The following PITPNM1 variants were observed in gnomAD, a reference collection of about 807,000 sequenced individuals.
PITPNM1 encodes the protein phosphatidylinositol transfer protein membrane associated 1, also known as membrane-associated phosphatidylinositol transfer protein 1.
Under a neutral mutation model 133.3 loss-of-function variants are expected in PITPNM1, and 74 were observed. That is an observed-to-expected ratio of 0.56 (90% CI 0.46 to 0.67). PITPNM1 has a LOEUF of 0.67. Ranked by LOEUF, PITPNM1 falls within the 30% of genes least tolerant of loss-of-function variation. PITPNM1 has a pLI of 0.00. For synonymous variants in PITPNM1, 738 were observed against 741.4 expected, an observed-to-expected ratio of 1.00 and a Z score of 0.08; for missense variants, 1,398 against 1,739.5, an observed-to-expected ratio of 0.80 and a Z score of 3.49.
intron 6 of PITPNM1, 39 bp from the exon 7 acceptor site, chr11:67,500,048 C>T (rs762547716): frequency 1.2e-6 from 2 of 1,605,802 alleles, no homozygotes; most frequent in Admixed American, 1.7e-5. Context: ...GCCCAGGAGC[C>T]CAGCCTGGGG....
chr11:67,496,188 G>GGATGA lies in PITPNM1; in HGVS notation c.2302_2306dup (p.Leu770HisfsTer111), dbSNP rs1866114761. 6.5e-7 allele frequency: 1 copy of GGATGA among 1,536,518 alleles called. No individual in the cohort carries two copies. Among genetic ancestry groups the GGATGA allele is most frequent in the Non-Finnish European group, 8.7e-7 (1 of 1,147,210 alleles). ...TGTTTGGGGGCGTACCCAGCAGCAGGGATGAGCCATCTCCCAGGGGGAACT... is the reference window on the plus strand; with the variant it reads ...TGTTTGGGGGCGTACCCAGCAGCAGGGATGAGATGAGCCATCTCCCAGGGGGAACT... On this transcript the variant is annotated frameshift_variant, in exon 15 of 24. Coordinates refer to ENST00000356404, the MANE Select transcript of PITPNM1 (RefSeq NM_004910.3). LOFTEE classifies it high-confidence loss of function.
At position 67,498,486 on chromosome 11, in the gene PITPNM1, C is replaced by T. The variant is rs535664043; in HGVS notation, c.1484+110G>A. 6.7e-6 allele frequency: 10 copies of T among 1,493,672 alleles called. No homozygotes were observed. In the East Asian group the frequency reaches 1.6e-4, roughly 24 times the overall value. 92.5% of individuals were successfully genotyped at this position (1,493,672 alleles called of 1,614,324 possible). ...AGCCATTCTCCAGAACAGGTCCAGCCATGCCAGTGACCGACCCAGGTGTCT... is the reference window on the plus strand; with the variant it reads ...AGCCATTCTCCAGAACAGGTCCAGCTATGCCAGTGACCGACCCAGGTGTCT... On this transcript the variant is annotated intron_variant, in intron 10 of 23. Coordinates refer to ENST00000356404, the MANE Select transcript of PITPNM1 (RefSeq NM_004910.3). The surrounding 1 kb of genome is among the most constrained non-coding windows in gnomAD (Gnocchi z 5.7).
chr11:67,499,115 C>G (rs983022846), intron 8 of PITPNM1, 114 bp from the exon 9 acceptor site: 1 of 1,009,040 alleles, frequency 9.9e-7, no homozygotes, highest in Non-Finnish European at 1.4e-6. Context: ...TCCCTACCTT[C>G]CTCCAAACTT....
Position 67,497,901 on chromosome 11 carries a change from G to C in PITPNM1, c.1782+16C>G. 1 of 1,607,672 alleles carries C rather than the reference G, an allele frequency of 6.2e-7. No homozygotes were observed. Among genetic ancestry groups the C allele is most frequent in the East Asian group, 2.2e-5 (1 of 44,874 alleles). On this transcript the variant is annotated intron_variant, in intron 12 of 23. Transcript: ENST00000356404. ...GCCTTTCCGCTCCTGAGGAGGCCGG[G>C]TTTGGCTATACTGACCATGCTCCCA...
chr11:67,505,371 C>G (rs1404758435), upstream of PITPNM1: 3 of 152,170 alleles, frequency 2.0e-5, no homozygotes, highest in Non-Finnish European at 4.4e-5. This position sits in a 1 kb window ranked among gnomAD's most constrained non-coding sequence, Gnocchi z 5.8. Flanking sequence ...CCTGCAGTCC[C>G]TCCCCGACGC....
Position 67,502,314 on chromosome 11 carries a change from G to T in PITPNM1, c.393C>A (p.Ala131=). Residue 131 remains alanine (A), a synonymous_variant, in exon 4 of 24, where the codon GCC becomes GCA. Coordinates refer to ENST00000356404, the MANE Select transcript of PITPNM1 (RefSeq NM_004910.3). This position sits in a 1 kb window ranked among gnomAD's most constrained non-coding sequence, Gnocchi z 5.9. ...QQPNVFNLSG[A]ERRQRILDTI... Reference sequence around the variant, plus strand: ...CACCCAGGATGCGCTGTCTCCTCTCGGCCCCGCTCAGGTTGAAGACGTTTG... The same window carrying T: ...CACCCAGGATGCGCTGTCTCCTCTCTGCCCCGCTCAGGTTGAAGACGTTTG... The T allele has an allele frequency of 6.2e-7, 1 of 1,613,366 alleles. No individual in the cohort carries two copies. Among genetic ancestry groups the T allele is most frequent in the Non-Finnish European group, 8.5e-7 (1 of 1,180,004 alleles).
intron 12 of PITPNM1, 22 bp from the exon 13 acceptor site, chr11:67,497,701 A>G (rs1270880504): frequency 1.2e-6 from 2 of 1,607,222 alleles, no homozygotes; most frequent in Non-Finnish European, 1.7e-6. Flanking sequence ...AGGAGACAGA[A>G]ACATTCTTAG....
chr11:67,494,873 C>T lies in PITPNM1; in HGVS notation c.2715G>A (p.Gln905=), dbSNP rs1866062590. Residue 905 remains glutamine, a synonymous_variant, in exon 18 of 24, where the codon CAG becomes CAA. Transcript: ENST00000356404. ...YSPAFPREKW[Q]RKRTQVKIRN... is the part of the protein sequence containing the mutation. ...GGATCTTGACCTGCGTGCGTTTTCG[C>T]TGCCACTTCTCCCTGGGGAAGGCCG... is the stretch of plus-strand genomic sequence containing the variant. 6.2e-7 allele frequency: 1 copy of T among 1,612,780 alleles called. No individual in the cohort carries two copies. The highest frequency in any genetic ancestry group is 1.3e-5 in the African/African-American group (1 of 74,868).
Position 67,495,104 on chromosome 11 carries a change from G to A in PITPNM1, c.2604C>T (p.Ala868=). The A allele has an allele frequency of 6.2e-7, 1 of 1,612,816 alleles. No homozygotes were observed. Among genetic ancestry groups the A allele is most frequent in the South Asian group, 1.1e-5 (1 of 91,082 alleles). The change falls in exon 17 of 24, where the codon GCC becomes GCT. Residue 868 remains alanine (A), a synonymous_variant. Coordinates refer to ENST00000356404, the MANE Select transcript of PITPNM1 (RefSeq NM_004910.3). ...GGCGCAGGATGAACGCCACCACGTC[G>A]GCGGACTCCCAGTAGCTGGCGTGGA... ...HLFHASYWES[A]DVVAFILRQV... is the part of the protein sequence containing the mutation.
rs550399607 is a variant in PITPNM1, at chr11:67,491,857, G to A, written c.*176C>T. 2.6e-4 allele frequency: 177 copies of A among 681,030 alleles called. No individual in the cohort carries two copies. The highest frequency in any genetic ancestry group is 4.2e-4 in the Middle Eastern group (1 of 2,362). 42.2% of individuals were successfully genotyped at this position (681,030 alleles called of 1,614,324 possible). On this transcript the variant is annotated 3_prime_UTR_variant, in exon 24 of 24. Coordinates refer to ENST00000356404, the MANE Select transcript of PITPNM1 (RefSeq NM_004910.3). Reference sequence around the variant, plus strand: ...CCACGCCCTCCTCCCTCCCCCCGGCGCTGGGTCCCCTCATATGAAAGGGAA... The same window carrying A: ...CCACGCCCTCCTCCCTCCCCCCGGCACTGGGTCCCCTCATATGAAAGGGAA...
intron 5 of PITPNM1, 35 bp downstream of exon 5, chr11:67,501,827 T>A (rs1866329288): frequency 2.5e-5 from 40 of 1,579,600 alleles, no homozygotes; most frequent in Non-Finnish European, 3.4e-5. Flanking sequence ...TGGGGCATGC[T>A]GGGTAAGTGG....
At chr11:67,496,143 C>T in intron 15 of PITPNM1, 35 bp downstream of exon 15, 1 of 1,473,070 alleles carries the variant, frequency 6.8e-7, no homozygotes, top group African/African-American at 1.5e-5. Context: ...TGTGTGCCCT[C>T]CTCCTTCTCC....
At chr11:67,499,030 A>C (rs1314579520) in intron 8 of PITPNM1, 29 bp from the exon 9 acceptor site, 22 of 1,593,832 alleles carry the variant, frequency 1.4e-5, no homozygotes, top group Non-Finnish European at 1.9e-5. Context: ...AGTGAGAGGG[A>C]CGGAGAGGAC....
In PITPNM1 at chr11:67,502,845, G is replaced by A. The variant is rs1039668864; in HGVS notation, c.79-127C>T. The A allele has an allele frequency of 1.1e-6, 1 of 886,944 alleles. No individual in the cohort carries two copies. Among genetic ancestry groups the A allele is most frequent in the Non-Finnish European group, 1.7e-6 (1 of 587,124 alleles). 54.9% of individuals were successfully genotyped at this position (886,944 alleles called of 1,614,324 possible). A position where few individuals can be genotyped will look rare whatever the true frequency, so the allele number is the denominator to read the frequency against. On this transcript the variant is annotated intron_variant, in intron 2 of 23. Coordinates refer to ENST00000356404, the MANE Select transcript of PITPNM1 (RefSeq NM_004910.3). The surrounding 1 kb of genome is among the most constrained non-coding windows in gnomAD (Gnocchi z 5.9). ...CAGCCTTTTCAACTCCCTGAAACCAGACCCCGCCCCACCAAAGCTCCCTGG... is the reference window on the plus strand; with the variant it reads ...CAGCCTTTTCAACTCCCTGAAACCAAACCCCGCCCCACCAAAGCTCCCTGG...
rs755011819 is a variant in PITPNM1 at position 67,492,099 on chromosome 11, T to C, written c.3669A>G (p.Thr1223=). The C allele has an allele frequency of 2.0e-5, 33 of 1,612,418 alleles. No individual in the cohort carries two copies. The highest frequency in any genetic ancestry group is 2.8e-5 in the Non-Finnish European group (33 of 1,179,870). The change falls in exon 24 of 24, where the codon ACA becomes ACG. Residue 1223 remains threonine (T), a synonymous_variant. Coordinates refer to ENST00000356404, the MANE Select transcript of PITPNM1 (RefSeq NM_004910.3). ...PSQAEREGPG[T]PPTTLARGKA... ...TGCCCCGTGCCAGGGTGGTGGGTGGTGTTCCCGGGCCCTCACGCTCCGCCT... is the reference window on the plus strand; with the variant it reads ...TGCCCCGTGCCAGGGTGGTGGGTGGCGTTCCCGGGCCCTCACGCTCCGCCT...
At position 67,500,227 on chromosome 11, in the gene PITPNM1, G is replaced by C; in HGVS notation, c.835C>G (p.Arg279Gly). ...GTGCCAGTGTTGCTGGCCGCAGACC[G>C]GGCCTCGGTGCTCGGTTTCCCGGGG... ...QPPGKPSTEA[R>G]SAASNTGTPD... Residue 279 changes from arginine to glycine, a missense_variant, in exon 6 of 24, where the codon CGG (arginine) becomes GGG (glycine). Arg to Gly is a moderately radical substitution (Grantham distance 125). Around this residue, in one of 5 missense-constraint regions of PITPNM1, gnomAD observed 195 missense variants for 178.8 expected, o/e 1.09. Transcript: ENST00000356404. The C allele has an allele frequency of 6.2e-7, 1 of 1,604,712 alleles. No individual in the cohort carries two copies. The highest frequency in any genetic ancestry group is 8.5e-7 in the Non-Finnish European group (1 of 1,179,680).
chr11:67,496,134 G>A (rs373848479), intron 15 of PITPNM1, 44 bp downstream of exon 15: 1 of 1,454,174 alleles, frequency 6.9e-7, no homozygotes, highest in East Asian at 2.7e-5. Context: ...CCCTTCCTGT[G>A]TGTGCCCTCC....
Position 67,494,912 on chromosome 11 carries a change from C to T in PITPNM1, c.2676G>A (p.Pro892=), listed in dbSNP as rs763699953. The change falls in exon 18 of 24, where the codon CCG becomes CCA. Residue 892 remains proline (P), a synonymous_variant. Transcript: ENST00000356404. ...TGGGGAAGGCCGGGCTGTAGATGGA[C>T]GGCTCCTCGCATTCCGCCAGCTGTG... ...ERPQLAECEE[P]SIYSPAFPRE... 2.5e-6 allele frequency: 4 copies of T among 1,612,962 alleles called. No homozygotes were observed. The highest frequency in any genetic ancestry group is 3.3e-5 in the Admixed American group (2 of 60,008).
At chr11:67,494,992 G>C in intron 17 of PITPNM1, 36 bp from the exon 18 acceptor site, 1 of 1,606,478 alleles carries the variant, frequency 6.2e-7, no homozygotes, top group Non-Finnish European at 8.5e-7. Flanking sequence ...CTGTCTCTTA[G>C]GGGAGGGAGG....
Sources: allele counts gnomAD v4.1 joint callset, GRCh38; gene constraint gnomAD v4.1.1; regional missense constraint gnomAD v4.1.1; non-coding constraint Gnocchi (gnomAD v3.1); transcripts MANE v1.5; gene names NCBI Gene and HGNC (gene_info 2026-07-23, HGNC 2026-07-21).